KHDRBS3: variants seen among roughly 807,000 people sequenced by gnomAD.
The protein encoded by KHDRBS3 is KH domain-containing, RNA-binding, signal transduction-associated protein 3.
Under a neutral mutation model 45.6 loss-of-function variants are expected in KHDRBS3, and 23 were observed. The observed-to-expected ratio is 0.50, with a 90% CI of 0.36 to 0.72. The LOEUF is 0.72. Among genes scored for constraint, KHDRBS3 ranks in the 30% least tolerant of loss-of-function variants. KHDRBS3 has a pLI of 0.00. For missense variants in KHDRBS3, 352 were observed against 424.8 expected (o/e 0.83, Z 1.51); for synonymous variants, 162 against 156.5 (o/e 1.04, Z -0.26).
intron 2 of KHDRBS3, among the ~76,000 whole-genome samples, chr8:135,535,778 A>T (rs897032957): frequency 6.6e-6 from 1 of 152,140 alleles, no homozygotes; most frequent in Non-Finnish European, 1.5e-5. Flanking sequence ...TTATATTCTC[A>T]CAGTTCTGGA....
At chr8:135,536,163 C>T (rs997675750) in intron 2 of KHDRBS3, among the ~76,000 whole-genome samples, 2 of 149,874 alleles carry the variant, frequency 1.3e-5, no homozygotes, top group African/African-American at 4.9e-5. Flanking sequence ...CTGTAGATTC[C>T]TGGACAGAGA....
intron 1 of KHDRBS3, among the ~76,000 whole-genome samples, chr8:135,480,294 T>C (rs1822498506): frequency 6.6e-6 from 1 of 152,074 alleles, no homozygotes; most frequent in African/African-American, 2.4e-5. Context: ...GTCAGGGCAG[T>C]TGGGCAAGAA....
At chr8:135,637,050 A>G (rs1445597277) in intron 7 of KHDRBS3, among the ~76,000 whole-genome samples, 1 of 152,228 alleles carries the variant, frequency 6.6e-6, no homozygotes, top group African/African-American at 2.4e-5. Context: ...AGGTGACTGG[A>G]CTTTGGCTGT....
In KHDRBS3 at chr8:135,519,160, GC is replaced by G. The variant is rs376250701; in HGVS notation, c.89-2075del. On this transcript the variant is annotated intron_variant, in intron 1 of 8. Transcript: ENST00000355849. ...TATAATTTGCTATTTCCTTCTCTTA[GC>G]CATCCTTTCTTATCTTCAGTTTCTA... is the stretch of plus-strand genomic sequence containing the variant. Among the ~76,000 whole-genome samples, 330 of 152,178 alleles carry G rather than the reference GC, an allele frequency of 2.2e-3. 6 individuals are homozygous for G. The highest frequency in any genetic ancestry group is 0.017 in the Admixed American group (262 of 15,290).
At chr8:135,527,443 A>G (rs887321321) in intron 2 of KHDRBS3, among the ~76,000 whole-genome samples, 1 of 152,226 alleles carries the variant, frequency 6.6e-6, no homozygotes, top group Non-Finnish European at 1.5e-5. Flanking sequence ...GGGAATTACA[A>G]GCCATTTAAT....
intron 2 of KHDRBS3, among the ~76,000 whole-genome samples, chr8:135,530,355 C>T (rs1825409882): frequency 6.6e-6 from 1 of 152,146 alleles, no homozygotes; most frequent in African/African-American, 2.4e-5. Flanking sequence ...AGAACATAAT[C>T]CCTCTTTTCT....
chr8:135,494,348 G>C (rs867510329), intron 1 of KHDRBS3, among the ~76,000 whole-genome samples: 2 of 134,618 alleles, frequency 1.5e-5, no homozygotes, highest in Admixed American at 8.2e-5. Flanking sequence ...GCGTGATCTC[G>C]GCTCACTGCA....
chr8:135,502,795 T>A (rs1045522280), intron 1 of KHDRBS3, among the ~76,000 whole-genome samples: 1 of 152,218 alleles, frequency 6.6e-6, no homozygotes, highest in African/African-American at 2.4e-5. Flanking sequence ...AAAGAATAAA[T>A]GTCTCAATTT....
chr8:135,468,648 T>TG (rs139036804), intron 1 of KHDRBS3, among the ~76,000 whole-genome samples: 353 of 152,378 alleles, frequency 2.3e-3, no homozygotes, highest in African/African-American at 7.8e-3. Flanking sequence ...CCATGGGCTG[T>TG]GGTCTGCTTA....
chr8:135,507,707 G>C (rs1001070431), intron 1 of KHDRBS3, among the ~76,000 whole-genome samples: 2 of 152,158 alleles, frequency 1.3e-5, no homozygotes, highest in African/African-American at 4.8e-5. Context: ...AAATGTGACT[G>C]GAGAGTGACC....
At chr8:135,602,856 C>A (rs1586788280) in intron 6 of KHDRBS3, among the ~76,000 whole-genome samples, 1 of 152,258 alleles carries the variant, frequency 6.6e-6, no homozygotes, top group Middle Eastern at 3.4e-3. Context: ...CTTGGTCCTT[C>A]ATGAGCTAGT....
chr8:135,476,293 A>T (rs112537461), intron 1 of KHDRBS3, among the ~76,000 whole-genome samples: 1 of 151,806 alleles, frequency 6.6e-6, no homozygotes, highest in African/African-American at 2.4e-5. Flanking sequence ...GCAGGTGCAC[A>T]CCACCACGCC....
chr8:135,457,887 C>G lies in KHDRBS3; in HGVS notation c.21C>G (p.Pro7=). The change falls in exon 1 of 9, where the codon CCC becomes CCG. Residue 7 remains proline, a synonymous_variant. Transcript: ENST00000355849. The surrounding 1 kb of genome is among the most constrained non-coding windows in gnomAD (Gnocchi z 4.4). ...CGAGCATGGAGGAGAAGTACCTGCC[C>G]GAGCTGATGGCGGAGAAGGACTCCC... MEEKYL[P]ELMAEKDSLD... The G allele has an allele frequency of 1.3e-6, 2 of 1,598,252 alleles. No homozygotes were observed. Among genetic ancestry groups the G allele is most frequent in the Non-Finnish European group, 1.7e-6 (2 of 1,173,426 alleles).
intron 1 of KHDRBS3, among the ~76,000 whole-genome samples, chr8:135,504,800 AATATTC>A (rs1205036107): frequency 2.6e-5 from 4 of 152,186 alleles, no homozygotes; most frequent in Non-Finnish European, 5.9e-5. Context: ...AGCCTCCAGG[AATATTC>A]ATTGTGGCTT....
intron 1 of KHDRBS3, among the ~76,000 whole-genome samples, chr8:135,497,197 C>T (rs1195871908): frequency 6.6e-6 from 1 of 152,182 alleles, no homozygotes; most frequent in Non-Finnish European, 1.5e-5. Context: ...CCTTAGAGCC[C>T]ATTGGTATCG....
At chr8:135,527,112 G>A (rs995799586) in intron 2 of KHDRBS3, among the ~76,000 whole-genome samples, 1 of 152,108 alleles carries the variant, frequency 6.6e-6, no homozygotes, top group African/African-American at 2.4e-5. Flanking sequence ...TCCGTCAGTG[G>A]ATCCGGCTCT....
At chr8:135,480,428 C>T (rs1822504587) in intron 1 of KHDRBS3, among the ~76,000 whole-genome samples, 1 of 152,136 alleles carries the variant, frequency 6.6e-6, no homozygotes, top group Non-Finnish European at 1.5e-5. Context: ...TAGGACATTT[C>T]TCCTTCCCCC....
intron 1 of KHDRBS3, among the ~76,000 whole-genome samples, chr8:135,470,016 T>G (rs1821931396): frequency 6.6e-6 from 1 of 152,250 alleles, no homozygotes; most frequent in Admixed American, 6.5e-5. Context: ...AAATTTTTAT[T>G]TAATTTCAAA....
intron 1 of KHDRBS3, among the ~76,000 whole-genome samples, chr8:135,516,155 T>C (rs888015733): frequency 6.6e-6 from 1 of 152,228 alleles, no homozygotes; most frequent in African/African-American, 2.4e-5. Context: ...GTAAGTATTT[T>C]GTGTATTTAA....
Sources: allele counts gnomAD v4.1 joint callset (sites outside exome capture counted in the v4.1 genomes callset), GRCh38; gene constraint gnomAD v4.1.1; non-coding constraint Gnocchi (gnomAD v3.1); transcripts MANE v1.5; gene names NCBI Gene and HGNC (gene_info 2026-07-23, HGNC 2026-07-21).